Variants in PNLDC1 observed in about 807,000 individuals in gnomAD.
PNLDC1 encodes the protein poly(A)-specific ribonuclease PNLDC1.
In PNLDC1, 70 loss-of-function variants were observed where a neutral mutation model predicts 82.0. That is an observed-to-expected ratio of 0.85 (90% CI 0.70 to 1.04). The LOEUF (loss-of-function observed/expected upper bound fraction) is 1.04, where lower values mean the gene tolerates loss of function less well. Ranked by LOEUF, PNLDC1 falls within the 50% of genes least tolerant of loss-of-function variation. The pLI is 0.00. For missense variants in PNLDC1, 631 were observed against 661.1 expected, an observed-to-expected ratio of 0.95 and a Z score of 0.50; for synonymous variants, 280 against 249.3, an observed-to-expected ratio of 1.12 and a Z score of -1.16.
upstream of PNLDC1, among the ~76,000 whole-genome samples, chr6:159,800,050 G>T (rs1781175383): frequency 6.6e-6 from 1 of 152,222 alleles, no homozygotes; most frequent in African/African-American, 2.4e-5. Context: ...GGGCTGCAAA[G>T]AAATTGCTGA....
chr6:159,801,238 C>G, intron 3 of PNLDC1, 52 bp downstream of exon 3: 1 of 1,496,848 alleles, frequency 6.7e-7, no homozygotes, highest in South Asian at 1.1e-5. Context: ...TTTTATTGTC[C>G]TTGGATTTCC....
At chr6:159,800,417 A>G in intron 1 of PNLDC1, 34 bp downstream of exon 1, 1 of 1,540,042 alleles carries the variant, frequency 6.5e-7, no homozygotes, top group Non-Finnish European at 8.8e-7. Context: ...TGTGCCGGAC[A>G]GAGCCCCTTG....
Position 159,814,649 on chromosome 6 carries a change from G to A in PNLDC1, c.995+993G>A, listed in dbSNP as rs571887700. ...CTGTGTGTGCATGAGAGGGCAAAGC[G>A]GGGAGAGAGCTTTGTTGTAAATGCA... On this transcript the variant is annotated intron_variant, in intron 12 of 18. Transcript: ENST00000392167. 5.3e-5 allele frequency among the ~76,000 whole-genome samples: 8 copies of A among 152,314 alleles called. No individual in the cohort carries two copies. The South Asian group carries it at 8.3e-4, about 16-fold the overall frequency.
chr6:159,818,713 A>G, intron 16 of PNLDC1, 59 bp downstream of exon 16: 1 of 1,508,942 alleles, frequency 6.6e-7, no homozygotes, highest in Non-Finnish European at 9.2e-7. Flanking sequence ...TTTGCTGGGA[A>G]GCGGCCAGTG....
chr6:159,804,490 A>AC, intron 5 of PNLDC1, 59 bp from the exon 6 acceptor site: 1 of 1,176,592 alleles, frequency 8.5e-7, no homozygotes, highest in Non-Finnish European at 1.3e-6. Flanking sequence ...GAAATCAGGC[A>AC]CAGAGGATCC....
In PNLDC1 at chr6:159,819,538, G is replaced by A. The variant is rs2115065815; in HGVS notation, c.1532+186G>A. On this transcript the variant is annotated intron_variant, in intron 18 of 18. Coordinates refer to ENST00000392167, the MANE Select transcript of PNLDC1 (RefSeq NM_001271862.2). This position sits in a 1 kb window ranked among gnomAD's most constrained non-coding sequence, Gnocchi z 4.6. ...GCCGCGTGTCTGTCGAGCACCTGCT[G>A]TGCTGGGCACCATCGTAGTTCTAGG... Among the ~76,000 whole-genome samples the A allele has an allele frequency of 6.6e-6, 1 of 152,360 alleles. No homozygotes were observed. The highest frequency in any genetic ancestry group is 2.1e-4 in the South Asian group (1 of 4,830).
upstream of PNLDC1, among the ~76,000 whole-genome samples, chr6:159,799,771 A>G (rs1333652431): frequency 6.6e-6 from 1 of 152,136 alleles, no homozygotes; most frequent in Non-Finnish European, 1.5e-5. Flanking sequence ...GCAGGTGTGA[A>G]GACAGTGGTA....
chr6:159,809,451 ATTTTTTTTT>A (rs71904720), intron 9 of PNLDC1, among the ~76,000 whole-genome samples: 51,636 of 138,726 alleles, frequency 0.37, 10,003 homozygotes, highest in Admixed American at 0.49. Context: ...TACCTGGCTA[ATTTTTTTTT>A]TTTTTTTTTT....
At chr6:159,806,350 C>T (rs978231806) in intron 7 of PNLDC1, among the ~76,000 whole-genome samples, 5 of 152,186 alleles carry the variant, frequency 3.3e-5, no homozygotes, top group African/African-American at 1.2e-4. Flanking sequence ...TTATTTCAGT[C>T]CTGGGTGCCC....
Position 159,816,571 on chromosome 6 carries a change from G to T in PNLDC1, c.1089G>T (p.Ala363=). Residue 363 remains alanine, a synonymous_variant, in exon 14 of 19, where the codon GCG becomes GCT. Transcript: ENST00000392167. ...YVETKCPHEA[A]YDAFLCGSVL... Reference sequence around the variant, plus strand: ...AGACAAAGTGCCCCCACGAAGCCGCGTATGATGCCTTCCTCTGTGGGTCAG... The same window carrying T: ...AGACAAAGTGCCCCCACGAAGCCGCTTATGATGCCTTCCTCTGTGGGTCAG... 1 of 1,613,694 alleles carries T rather than the reference G, an allele frequency of 6.2e-7. No individual in the cohort carries two copies. The highest frequency in any genetic ancestry group is 8.5e-7 in the Non-Finnish European group (1 of 1,179,906).
Position 159,817,165 on chromosome 6 carries a change from CTTT to C in PNLDC1, c.1157+16_1157+18del. ...GAAGATATACCAGTAAGTGTTCTTTCTTTTCATCCTACTGTTCAATCGGTGGTC... is the reference window on the plus strand; with the variant it reads ...GAAGATATACCAGTAAGTGTTCTTTCTCATCCTACTGTTCAATCGGTGGTC... On this transcript the variant is annotated intron_variant, in intron 15 of 18. Transcript: ENST00000392167. 2 of 1,606,710 alleles carry C rather than the reference CTTT, an allele frequency of 1.2e-6. No homozygotes were observed. Among genetic ancestry groups the C allele is most frequent in the Non-Finnish European group, 1.7e-6 (2 of 1,173,642 alleles).
intron 13 of PNLDC1, 81 bp downstream of exon 13, chr6:159,816,114 TC>T (rs1781806378): frequency 1.7e-6 from 1 of 575,906 alleles, no homozygotes. Context: ...TGACCCTGGT[TC>T]CCCCACACCC....
intron 3 of PNLDC1, among the ~76,000 whole-genome samples, chr6:159,801,750 A>ATT (rs113437378): frequency 1.1e-4 from 16 of 149,634 alleles, no homozygotes; most frequent in African/African-American, 3.9e-4. Flanking sequence ...CTGGCCTGTG[A>ATT]TTTTTTTTTC....
intron 12 of PNLDC1, among the ~76,000 whole-genome samples, 192 bp from the exon 13 acceptor site, chr6:159,815,777 T>A (rs756322463): frequency 1.3e-5 from 2 of 152,166 alleles, no homozygotes; most frequent in Non-Finnish European, 2.9e-5. Flanking sequence ...TGGGGCCTCC[T>A]GCACCATTGT....
intron 4 of PNLDC1, among the ~76,000 whole-genome samples, chr6:159,803,709 G>C (rs537261311): frequency 1.3e-5 from 2 of 152,116 alleles, no homozygotes; most frequent in African/African-American, 4.8e-5. Context: ...GTGCCAGCCT[G>C]CACGCCCTAA....
intron 5 of PNLDC1, among the ~76,000 whole-genome samples, 156 bp from the exon 6 acceptor site, chr6:159,804,393 C>T (rs762702147): frequency 2.6e-5 from 4 of 152,152 alleles, no homozygotes; most frequent in Admixed American, 6.5e-5. Flanking sequence ...CATGAGCCAC[C>T]GCACCCGGCC....
At position 159,810,103 on chromosome 6, in the gene PNLDC1, C is replaced by A. The variant is rs1443279925; in HGVS notation, c.853+8C>A. ...TCTTCAGACCCCTCCCAGGTAGGGGCAAACCTGTCATTTCTCTTCCTTCAC... is the reference window on the plus strand; with the variant it reads ...TCTTCAGACCCCTCCCAGGTAGGGGAAAACCTGTCATTTCTCTTCCTTCAC... On this transcript the variant is annotated splice_region_variant and intron_variant, in intron 10 of 18. Coordinates refer to ENST00000392167, the MANE Select transcript of PNLDC1 (RefSeq NM_001271862.2). The A allele has an allele frequency of 4.3e-6, 7 of 1,610,268 alleles. No individual in the cohort carries two copies. Among genetic ancestry groups the A allele is most frequent in the Non-Finnish European group, 5.9e-6 (7 of 1,176,596 alleles).
Position 159,813,400 on chromosome 6 carries a change from GTCC to G in PNLDC1, c.940-199_940-197del, listed in dbSNP as rs1781706580. Among the ~76,000 whole-genome samples the G allele has an allele frequency of 3.3e-5, 5 of 152,082 alleles. No homozygotes were observed. In the South Asian group the frequency reaches 1.0e-3, roughly 32 times the overall value. Reference sequence around the variant, plus strand: ...TTTTTTCTAGCCTAGGTTTTTGAGAGTCCTTCTAGGAAACCCAGGAATACTGCG... The same window carrying G: ...TTTTTTCTAGCCTAGGTTTTTGAGAGTTCTAGGAAACCCAGGAATACTGCG... On this transcript the variant is annotated intron_variant, in intron 11 of 18. Transcript: ENST00000392167.
At chr6:159,812,923 G>A (rs926018142) in intron 11 of PNLDC1, among the ~76,000 whole-genome samples, 2 of 152,156 alleles carry the variant, frequency 1.3e-5, no homozygotes, top group East Asian at 1.9e-4. Context: ...CTTGGGAGGC[G>A]TAAGTGGGAG....
Sources: allele counts gnomAD v4.1 joint callset (sites outside exome capture counted in the v4.1 genomes callset), GRCh38; gene constraint gnomAD v4.1.1; non-coding constraint Gnocchi (gnomAD v3.1); transcripts MANE v1.5; gene names NCBI Gene and HGNC (gene_info 2026-07-23, HGNC 2026-07-21).